The following ZNF320 variants were observed in gnomAD, a reference collection of about 807,000 sequenced individuals.
ZNF320 encodes zinc finger protein 320.
Under a neutral mutation model 6.8 loss-of-function variants are expected in ZNF320, and 2 were observed. The observed-to-expected ratio is 0.29, with a 90% CI of 0.12 to 0.93. The LOEUF (loss-of-function observed/expected upper bound fraction) is 0.93, where lower values mean the gene tolerates loss of function less well. ZNF320 is among the 40% of genes least tolerant of loss of function. The pLI, the probability that ZNF320 is intolerant of heterozygous loss-of-function variation, is 0.55. For synonymous variants in ZNF320, 208 were observed against 203.2 expected (o/e 1.02, Z -0.20); for missense variants, 472 against 611.0 (o/e 0.77, Z 2.40).
chr19:52,885,693 G>A (rs537333585), intron 5 of ZNF320, among the ~76,000 whole-genome samples: 1 of 151,688 alleles, frequency 6.6e-6, no homozygotes, highest in Admixed American at 6.6e-5. Flanking sequence ...TCCAGCCTGG[G>A]AAACAGGAGT....
intron 5 of ZNF320, among the ~76,000 whole-genome samples, chr19:52,886,996 A>AGGAG: frequency 1.2e-5 from 1 of 81,330 alleles, no homozygotes; most frequent in Non-Finnish European, 2.9e-5. Flanking sequence ...GAAGGAAGGA[A>AGGAG]GGAAGGAAGG....
chr19:52,898,675 A>G (rs1353652141), upstream of ZNF320, among the ~76,000 whole-genome samples: 2 of 152,200 alleles, frequency 1.3e-5, no homozygotes, highest in Non-Finnish European at 2.9e-5. Context: ...TCACAACACT[A>G]AAGATTTCAC....
intron 5 of ZNF320, among the ~76,000 whole-genome samples, chr19:52,883,036 A>G (rs2063970888): frequency 6.6e-6 from 1 of 152,112 alleles, no homozygotes; most frequent in East Asian, 1.9e-4. Flanking sequence ...ACTTAAAAAA[A>G]AAATTTTGTA....
chr19:52,874,174 C>G (rs2147789696), downstream of ZNF320: 1 of 213,342 alleles, frequency 4.7e-6, no homozygotes, highest in African/African-American at 2.3e-5. Flanking sequence ...GAAAGACAGC[C>G]CTCTGCTGCC....
chr19:52,875,610 T>C (rs1453666340), downstream of ZNF320, among the ~76,000 whole-genome samples: 1 of 152,070 alleles, frequency 6.6e-6, no homozygotes, highest in Non-Finnish European at 1.5e-5. Context: ...TGAAATTCCA[T>C]CTCTACCAAA....
the ZNF320 span, among the ~76,000 whole-genome samples, chr19:52,903,558 C>A: frequency 6.6e-6 from 1 of 152,088 alleles, no homozygotes; most frequent in Admixed American, 6.6e-5. Context: ...TGATGGCTAA[C>A]CTACCTCAAA....
rs8100019 is a variant in ZNF320 at position 52,887,925 on chromosome 19, A to C, written c.142+202T>G. ...TATGCCTACTTTAGTTCTGGAACCC[A>C]CATTGAGGTATCATGAAGAACGCAG... On this transcript the variant is annotated intron_variant, in intron 5 of 5. Transcript: ENST00000682928. Among the ~76,000 whole-genome samples, 654 of 152,268 alleles carry C rather than the reference A, an allele frequency of 4.3e-3. 6 individuals carry two copies. Among genetic ancestry groups the C allele is most frequent in the African/African-American group, 0.015 (625 of 41,562 alleles).
chr19:52,866,064 ATT>A, intron 5 of ZNF320, among the ~76,000 whole-genome samples: 1 of 127,568 alleles, frequency 7.8e-6, no homozygotes, highest in Non-Finnish European at 1.6e-5. Context: ...TTATACATAT[ATT>A]TATATATATG....
intron 5 of ZNF320, chr19:52,865,475 T>TATATATATGTATAC (rs1568692748): frequency 5.0e-5 from 2 of 40,330 alleles, no homozygotes; most frequent in African/African-American, 2.2e-4. Flanking sequence ...ATATATTACA[T>TATATATATGTATAC]ATATATATAA....
upstream of ZNF320, among the ~76,000 whole-genome samples, chr19:52,897,908 T>C (rs370417767): frequency 1.4e-4 from 21 of 152,284 alleles, no homozygotes; most frequent in South Asian, 4.4e-3. Context: ...CTTTCCTCCA[T>C]CTCGCTCTCT....
At position 52,881,083 on chromosome 19, in the gene ZNF320, C is replaced by T. The variant is rs760470745; in HGVS notation, c.1043G>A (p.Arg348Lys). 8.1e-6 allele frequency: 13 copies of T among 1,613,962 alleles called. No individual in the cohort carries two copies. The highest frequency in any genetic ancestry group is 1.1e-5 in the Non-Finnish European group (13 of 1,180,000). The change falls in exon 6 of 6, where the codon AGG becomes AAG. Residue 348 changes from arginine to lysine, a missense_variant. Physicochemically the swap from Arg to Lys is conservative, Grantham distance 26 (BLOSUM62 2). Around this residue, in one of 2 missense-constraint regions of ZNF320, gnomAD observed 462 missense variants for 559.7 expected, o/e 0.83. Coordinates refer to ENST00000682928, the MANE Select transcript of ZNF320 (RefSeq NM_001351774.2). ...FSRKSHLERH[R>K]RIHTGEKPYK... ...TGGTTTCTCTCCAGTATGAATCCTC[C>T]TATGTCTTTCAAGATGTGATTTGCG... is the stretch of plus-strand genomic sequence containing the variant.
intron 2 of ZNF320, among the ~76,000 whole-genome samples, chr19:52,892,856 C>T (rs1033869011): frequency 6.6e-6 from 1 of 151,746 alleles, no homozygotes; most frequent in African/African-American, 2.4e-5. Context: ...GCTCTGTCTG[C>T]CCTGGCTCCA....
chr19:52,888,875 G>T (rs1302181387), intron 4 of ZNF320, among the ~76,000 whole-genome samples: 1 of 152,034 alleles, frequency 6.6e-6, no homozygotes, highest in Non-Finnish European at 1.5e-5. Flanking sequence ...ACATATATAG[G>T]TTTTACAAAT....
chr19:52,890,327 T>A lies in ZNF320; in HGVS notation c.-72A>T. On this transcript the variant is annotated splice_region_variant and 5_prime_UTR_variant, in exon 4 of 6. Coordinates refer to ENST00000682928, the MANE Select transcript of ZNF320 (RefSeq NM_001351774.2). ...GGTACCAAGAGTCTTTAGAAGTCAA[T>A]CCTAAATGTTAGAAATATGTTGTTT... 6.4e-7 allele frequency: 1 copy of A among 1,561,640 alleles called. No individual in the cohort carries two copies. Among genetic ancestry groups the A allele is most frequent in the Non-Finnish European group, 8.7e-7 (1 of 1,148,300 alleles).
downstream of ZNF320, among the ~76,000 whole-genome samples, chr19:52,859,690 T>C (rs1371795182): frequency 6.6e-6 from 1 of 152,290 alleles, no homozygotes; most frequent in South Asian, 2.1e-4. Flanking sequence ...TGACTGGTGA[T>C]GGATTGATAC....
chr19:52,898,601 T>A (rs527814030), upstream of ZNF320, among the ~76,000 whole-genome samples: 43 of 152,322 alleles, frequency 2.8e-4, 1 homozygote, highest in African/African-American at 1.0e-3. Flanking sequence ...GCTGGGAGCG[T>A]CAGCAATCTA....
At chr19:52,874,676 A>G (rs1259755579), downstream of ZNF320, among the ~76,000 whole-genome samples, 1 of 152,102 alleles carries the variant, frequency 6.6e-6, no homozygotes. Context: ...ACAGCGAAGG[A>G]GCAAAAAGAA....
intron 5 of ZNF320, among the ~76,000 whole-genome samples, chr19:52,885,848 G>C (rs1217781756): frequency 1.3e-5 from 2 of 152,192 alleles, no homozygotes; most frequent in Non-Finnish European, 2.9e-5. Flanking sequence ...GGAGGTTGTG[G>C]TGTCAAGATT....
At chr19:52,862,173 A>G in exon 6 of ZNF320, 1 of 434,348 alleles carries the variant, frequency 2.3e-6, no homozygotes, top group Non-Finnish European at 4.7e-6. Flanking sequence ...CAATCATTGC[A>G]TTAGTAAACT....
Sources: allele counts gnomAD v4.1 joint callset (sites outside exome capture counted in the v4.1 genomes callset), GRCh38; gene constraint gnomAD v4.1.1; regional missense constraint gnomAD v4.1.1; transcripts MANE v1.5; gene names NCBI Gene and HGNC (gene_info 2026-07-23, HGNC 2026-07-21).